CDH26: variants seen among roughly 807,000 people sequenced by gnomAD.
CDH26 encodes cadherin-like protein 26.
In CDH26, 83 loss-of-function variants were observed where a neutral mutation model predicts 90.3. The observed-to-expected ratio is 0.92, with a 90% CI of 0.77 to 1.10. The LOEUF is 1.10. CDH26 is among the 50% of genes least tolerant of loss of function. The pLI is 0.00. For synonymous variants in CDH26, 397 were observed against 396.3 expected, an observed-to-expected ratio of 1.00 and a Z score of -0.02; for missense variants, 1,013 against 1,037.6, an observed-to-expected ratio of 0.98 and a Z score of 0.33.
exon 8 of CDH26, chr20:60,031,350 G>T (rs1190711107): frequency 1.5e-6 from 2 of 1,290,954 alleles, no homozygotes; most frequent in African/African-American, 3.1e-5. Context: ...GGAGACTAAC[G>T]CAGACTGGTA....
At chr20:60,003,627 C>G (rs2061703618) in intron 16 of CDH26, among the ~76,000 whole-genome samples, 1 of 152,064 alleles carries the variant, frequency 6.6e-6, no homozygotes, top group South Asian at 2.1e-4. Context: ...ACATGGCATC[C>G]CAAATTTACA....
downstream of CDH26, among the ~76,000 whole-genome samples, chr20:60,035,365 A>C (rs1041742374): frequency 6.6e-6 from 1 of 152,240 alleles, no homozygotes; most frequent in Admixed American, 6.5e-5. Context: ...CCTATTGACA[A>C]ATTGTTTTCC....
At chr20:60,001,130 C>A (rs569162848) in intron 14 of CDH26, among the ~76,000 whole-genome samples, 1 of 152,152 alleles carries the variant, frequency 6.6e-6, no homozygotes, top group Non-Finnish European at 1.5e-5. Context: ...TCCTGCCATG[C>A]GGTTCCATTG....
At chr20:60,031,130 A>G in intron 7 of CDH26, 1 of 1,013,616 alleles carries the variant, frequency 9.9e-7, no homozygotes, top group Non-Finnish European at 1.2e-6. Flanking sequence ...GGCATTTGTA[A>G]ACTGTCATGG....
rs368851806 is a variant in CDH26, at chr20:60,002,800, A to G, written c.2167-13A>G. The G allele has an allele frequency of 1.2e-5, 19 of 1,581,924 alleles. No homozygotes were observed. In the East Asian group the frequency reaches 2.9e-4, roughly 24 times the overall value. ...TTTATTTGAAATCAGTAAATATTTCATCTTTCTTTAAGGGTTATGGCAAGC... is the reference window on the plus strand; with the variant it reads ...TTTATTTGAAATCAGTAAATATTTCGTCTTTCTTTAAGGGTTATGGCAAGC... On this transcript the variant is annotated splice_polypyrimidine_tract_variant and intron_variant, in intron 15 of 17. Transcript: ENST00000348616.
At chr20:59,986,961 C>T (rs2061466712) in intron 7 of CDH26, among the ~76,000 whole-genome samples, 1 of 151,876 alleles carries the variant, frequency 6.6e-6, no homozygotes, top group Non-Finnish European at 1.5e-5. Flanking sequence ...AAAAATATAC[C>T]CTCTTATTTT....
At chr20:59,990,002 C>T (rs1253209335) in intron 9 of CDH26, among the ~76,000 whole-genome samples, 1 of 152,212 alleles carries the variant, frequency 6.6e-6, no homozygotes, top group Admixed American at 6.5e-5. Flanking sequence ...AACAGAAACT[C>T]TGTCTCCATT....
chr20:59,958,869 T>C, intron 1 of CDH26, 74 bp downstream of exon 1: 2 of 1,470,168 alleles, frequency 1.4e-6, no homozygotes, highest in Non-Finnish European at 9.3e-7. Context: ...CTGCCCCTTC[T>C]AGGCTAAGGG....
chr20:59,983,136 G>C (rs1002556806), intron 5 of CDH26, 66 bp downstream of exon 5: 2 of 1,538,180 alleles, frequency 1.3e-6, no homozygotes, highest in Non-Finnish European at 1.8e-6. Context: ...CATTAATATT[G>C]ATGAGGAGCT....
intron 17 of CDH26, among the ~76,000 whole-genome samples, chr20:60,007,123 A>G (rs897913351): frequency 6.6e-6 from 1 of 152,214 alleles, no homozygotes; most frequent in African/African-American, 2.4e-5. Flanking sequence ...TTAGGGAACT[A>G]ATTCCATCAT....
At chr20:59,971,308 C>G (rs1364143721) in intron 3 of CDH26, among the ~76,000 whole-genome samples, 1 of 152,156 alleles carries the variant, frequency 6.6e-6, no homozygotes, top group African/African-American at 2.4e-5. Context: ...TGCACCACCT[C>G]CTTGCTGGGT....
chr20:60,014,629 A>AT (rs1264333230), downstream of CDH26: 3 of 152,184 alleles, frequency 2.0e-5, no homozygotes, highest in Non-Finnish European at 4.4e-5. Flanking sequence ...AAATGACAGA[A>AT]TTTTTTTATT....
At chr20:60,008,906 CAGG>C (rs2061790479) in intron 17 of CDH26, among the ~76,000 whole-genome samples, 1 of 152,222 alleles carries the variant, frequency 6.6e-6, no homozygotes, top group African/African-American at 2.4e-5. Flanking sequence ...GCAGGCAAGC[CAGG>C]CTCCTGCAGA....
In CDH26 at chr20:59,988,961, G is replaced by C. The variant is rs984642751; in HGVS notation, c.1081G>C (p.Glu361Gln). The stretch of plus-strand genomic sequence containing the variant: ...CCTCATCATTGTCGTGGAGAATGAG[G>C]AGAGGCTCGTCTTCTGTGAGAGAGG... ...QSLIIVVENE[E>Q]RLVFCERGKL... Residue 361 changes from glutamate to glutamine, a missense_variant, in exon 9 of 18, where the codon GAG becomes CAG. Physicochemically the swap from Glu to Gln is conservative, Grantham distance 29. Coordinates refer to ENST00000348616, the MANE Select transcript of CDH26 (RefSeq NM_177980.4). 1.2e-6 allele frequency: 2 copies of C among 1,614,162 alleles called. No individual in the cohort carries two copies. The highest frequency in any genetic ancestry group is 1.7e-6 in the Non-Finnish European group (2 of 1,180,048).
chr20:59,995,846 A>G lies in CDH26; in HGVS notation c.1680A>G (p.Glu560=), dbSNP rs73131326. 4.8e-5 allele frequency: 78 copies of G among 1,614,112 alleles called. No homozygotes were observed. Among genetic ancestry groups the G allele is most frequent in the Non-Finnish European group, 6.4e-5 (75 of 1,179,946 alleles). The change falls in exon 12 of 18, where the codon GAA becomes GAG. Residue 560 remains glutamate (E), a synonymous_variant. Transcript: ENST00000348616. ...KLGRNWGQSV[E]LLTLRSLPRG... ...TTCCCTTTGCAGGTCAATCAGTTGA[A>G]CTTTTAACCTTGAGAAGCCTGCCAC...
At chr20:59,964,476 G>A (rs1201291516) in intron 1 of CDH26, among the ~76,000 whole-genome samples, 1 of 150,956 alleles carries the variant, frequency 6.6e-6, no homozygotes, top group Admixed American at 6.6e-5. Context: ...ATTATAGAAA[G>A]CATTATGTAA....
intron 13 of CDH26, 101 bp downstream of exon 13, chr20:59,996,862 C>G: frequency 1.4e-6 from 2 of 1,461,838 alleles, no homozygotes; most frequent in Non-Finnish European, 1.9e-6. Context: ...CTTAATTCTT[C>G]ACTCTTACCC....
At chr20:60,020,854 T>C (rs8116999) in intron 7 of CDH26, among the ~76,000 whole-genome samples, 5,876 of 152,216 alleles carry the variant, frequency 0.039, 277 homozygotes, top group African/African-American at 0.11. Flanking sequence ...GTGGGAGTCT[T>C]GTATGTAAGG....
At position 60,012,842 on chromosome 20, in the gene CDH26, G is replaced by C; in HGVS notation, c.*112G>C. ...TCCTTAAAAGAAAAATTACCTTCTAGTCCTAGGATGAGGACACACTATTAG... is the reference window on the plus strand; with the variant it reads ...TCCTTAAAAGAAAAATTACCTTCTACTCCTAGGATGAGGACACACTATTAG... On this transcript the variant is annotated 3_prime_UTR_variant, in exon 18 of 18. Coordinates refer to ENST00000348616, the MANE Select transcript of CDH26 (RefSeq NM_177980.4). 1.1e-6 allele frequency: 1 copy of C among 926,032 alleles called. No homozygotes were observed. The highest frequency in any genetic ancestry group is 1.6e-6 in the Non-Finnish European group (1 of 614,454). 57.4% of individuals were successfully genotyped at this position (926,032 alleles called of 1,614,324 possible). A position where few individuals can be genotyped will look rare whatever the true frequency, so the allele number is the denominator to read the frequency against.
Sources: allele counts gnomAD v4.1 joint callset (sites outside exome capture counted in the v4.1 genomes callset), GRCh38; gene constraint gnomAD v4.1.1; transcripts MANE v1.5; gene names NCBI Gene and HGNC (gene_info 2026-07-23, HGNC 2026-07-21).